RBMS1: variants seen among roughly 807,000 people sequenced by gnomAD.
RBMS1 encodes the protein RNA binding motif single stranded interacting protein 1.
A neutral mutation model predicts 62.3 loss-of-function variants in RBMS1; 17 were observed. The ratio of observed to expected loss-of-function variants is 0.27; its 90% CI spans 0.19 to 0.41. The LOEUF is 0.41. RBMS1 is among the 10% of genes least tolerant of loss of function. The probability of loss-of-function intolerance (pLI) is 1.00; values close to 1 mark genes in which losing one functional copy is unlikely to be tolerated. For synonymous variants in RBMS1, 172 were observed against 170.0 expected, an observed-to-expected ratio of 1.01 and a Z score of -0.09; for missense variants, 334 against 504.5, an observed-to-expected ratio of 0.66 and a Z score of 3.24.
intron 1 of RBMS1, among the ~76,000 whole-genome samples, chr2:160,426,289 GAA>G (rs1553522594): frequency 4.3e-3 from 317 of 74,008 alleles, no homozygotes; most frequent in Middle Eastern, 7.5e-3. Context: ...AAGAAAGAAA[GAA>G]AAGAAAGAAG....
At chr2:160,416,396 T>C (rs1247047950) in intron 1 of RBMS1, among the ~76,000 whole-genome samples, 1 of 152,128 alleles carries the variant, frequency 6.6e-6, no homozygotes, top group African/African-American at 2.4e-5. Flanking sequence ...TAGACTCTTT[T>C]AAACTGGAGA....
rs922871877 is a variant in RBMS1, at chr2:160,407,987, C to A, written c.76-40596G>T. ...GCCCACCCGCGCCTCCCCGCCCGCCCGCTGGGCGCGGCGCCTGCCGCCCCA... is the reference window on the plus strand; with the variant it reads ...GCCCACCCGCGCCTCCCCGCCCGCCAGCTGGGCGCGGCGCCTGCCGCCCCA... On this transcript the variant is annotated intron_variant, in intron 1 of 13. Coordinates refer to ENST00000348849, the MANE Select transcript of RBMS1 (RefSeq NM_016836.4). 1.6e-4 allele frequency: 147 copies of A among 907,900 alleles called. No homozygotes were observed. The African/African-American group carries it at 2.5e-3, about 15-fold the overall frequency. 56.2% of individuals were successfully genotyped at this position (907,900 alleles called of 1,614,324 possible).
At chr2:160,456,341 A>G (rs1480052670) in intron 1 of RBMS1, among the ~76,000 whole-genome samples, 5 of 152,232 alleles carry the variant, frequency 3.3e-5, no homozygotes, top group South Asian at 2.1e-4. Flanking sequence ...TTGCTGTTCA[A>G]TCCAATGTCA....
chr2:160,364,016 A>G (rs1208460562), intron 2 of RBMS1, among the ~76,000 whole-genome samples: 3 of 152,238 alleles, frequency 2.0e-5, no homozygotes, highest in African/African-American at 7.2e-5. Context: ...TGGACACAAC[A>G]TGAGCCCTCA....
intron 4 of RBMS1, among the ~76,000 whole-genome samples, chr2:160,304,269 A>C (rs1253999622): frequency 6.6e-6 from 1 of 152,210 alleles, no homozygotes; most frequent in African/African-American, 2.4e-5. Flanking sequence ...TGCTAAAAGC[A>C]AGGAGAATAA....
Position 160,449,487 on chromosome 2 carries a change from A to C in RBMS1, c.75+43802T>G, listed in dbSNP as rs1683865380. Among the ~76,000 whole-genome samples the C allele has an allele frequency of 2.0e-5, 3 of 152,248 alleles. No individual in the cohort carries two copies. The South Asian group carries it at 6.2e-4, about 31-fold the overall frequency. On this transcript the variant is annotated intron_variant, in intron 1 of 13. Coordinates refer to ENST00000348849, the MANE Select transcript of RBMS1 (RefSeq NM_016836.4). ...TCCATTTTGTTCTGTACTAAGAAAA[A>C]TTCTTCTGCCTTGGGATGCTGTTAA...
At chr2:160,374,945 G>C (rs924663089) in intron 1 of RBMS1, among the ~76,000 whole-genome samples, 2 of 151,602 alleles carry the variant, frequency 1.3e-5, no homozygotes, top group Non-Finnish European at 2.9e-5. Context: ...GGGGGACGGT[G>C]GGGGGGAGGA....
At chr2:160,436,180 G>A (rs555898123) in intron 1 of RBMS1, among the ~76,000 whole-genome samples, 3 of 152,280 alleles carry the variant, frequency 2.0e-5, no homozygotes, top group South Asian at 2.1e-4. Context: ...CCTCGTCTCT[G>A]CTCGAATTTG....
At chr2:160,307,807 C>T (rs1021781395) in intron 4 of RBMS1, among the ~76,000 whole-genome samples, 1 of 152,206 alleles carries the variant, frequency 6.6e-6, no homozygotes, top group African/African-American at 2.4e-5. Context: ...CCAGACAAAG[C>T]GCTGAAAATT....
chr2:160,478,462 C>A (rs1215866465), intron 1 of RBMS1, among the ~76,000 whole-genome samples: 2 of 152,184 alleles, frequency 1.3e-5, no homozygotes, highest in African/African-American at 4.8e-5. Flanking sequence ...TAGGAAATTG[C>A]ACAAACCATT....
chr2:160,350,065 T>G (rs1259205359), intron 2 of RBMS1, among the ~76,000 whole-genome samples: 1 of 151,944 alleles, frequency 6.6e-6, no homozygotes, highest in African/African-American at 2.4e-5. Context: ...AGGAGTCCAC[T>G]ATGGCTGAAG....
chr2:160,481,454 T>C (rs1388990646), intron 1 of RBMS1, among the ~76,000 whole-genome samples: 1 of 151,842 alleles, frequency 6.6e-6, no homozygotes, highest in African/African-American at 2.4e-5. Flanking sequence ...TAAATTTTAC[T>C]TCATTAAAAT....
intron 1 of RBMS1, among the ~76,000 whole-genome samples, chr2:160,391,126 G>C (rs1019993639): frequency 6.6e-6 from 1 of 150,580 alleles, no homozygotes; most frequent in Non-Finnish European, 1.5e-5. Context: ...CTAACCCCCG[G>C]TACCTTGGAA....
intron 2 of RBMS1, among the ~76,000 whole-genome samples, chr2:160,361,059 T>TG (rs1181068059): frequency 9.2e-5 from 14 of 152,254 alleles, no homozygotes; most frequent in Admixed American, 7.9e-4. Context: ...TAAAGTCATA[T>TG]GTTTTACTGC....
chr2:160,303,563 T>C, intron 4 of RBMS1, 76 bp from the exon 5 acceptor site: 1 of 1,454,382 alleles, frequency 6.9e-7, no homozygotes, highest in Non-Finnish European at 9.3e-7. Context: ...CTATTTTTAT[T>C]AGCTACTTTC....
chr2:160,423,869 T>C (rs1696530873), intron 1 of RBMS1, among the ~76,000 whole-genome samples: 1 of 152,198 alleles, frequency 6.6e-6, no homozygotes, highest in African/African-American at 2.4e-5. Flanking sequence ...ATTTGTATTG[T>C]ACTTTGGTTC....
At chr2:160,475,859 AT>A (rs34858686) in intron 1 of RBMS1, among the ~76,000 whole-genome samples, 28,830 of 141,842 alleles carry the variant, frequency 0.2, 2,493 homozygotes, top group African/African-American at 0.27. Flanking sequence ...TGGGCCCCCC[AT>A]TTTTTTTTTT....
At chr2:160,350,186 G>C (rs1449124646) in intron 2 of RBMS1, among the ~76,000 whole-genome samples, 2 of 151,952 alleles carry the variant, frequency 1.3e-5, no homozygotes, top group Non-Finnish European at 2.9e-5. Flanking sequence ...AACCGTGTCA[G>C]TGTGGCAGCA....
At chr2:160,419,101 A>C (rs1300431761) in intron 1 of RBMS1, among the ~76,000 whole-genome samples, 1 of 152,216 alleles carries the variant, frequency 6.6e-6, no homozygotes, top group Non-Finnish European at 1.5e-5. Flanking sequence ...CGGTTAATTC[A>C]GTGATAAATT....
Sources: gnomAD v4.1 joint callset for allele counts (sites outside exome capture counted in the v4.1 genomes callset) on GRCh38, gnomAD v4.1.1 for gene constraint, MANE v1.5 for transcripts, NCBI Gene and HGNC (gene_info 2026-07-23, HGNC 2026-07-21) for gene names.